The following DCDC1 variants were observed in gnomAD, a reference collection of about 807,000 sequenced individuals.
DCDC1 encodes the protein doublecortin domain containing 1.
In DCDC1, 200 loss-of-function variants were observed where a neutral mutation model predicts 178.3. That is an observed-to-expected ratio of 1.12 (90% CI 1.00 to 1.26). The LOEUF is 1.26. Among genes scored for constraint, DCDC1 ranks in the 50% most tolerant of loss-of-function variants. DCDC1 has a pLI of 0.00. For synonymous variants in DCDC1, 690 were observed against 604.8 expected (o/e 1.14, Z -2.07); for missense variants, 1,983 against 1,749.2 (o/e 1.13, Z -2.38).
intron 6 of DCDC1, among the ~76,000 whole-genome samples, chr11:31,304,798 G>T (rs1233934990): frequency 1.3e-5 from 2 of 152,074 alleles, no homozygotes; most frequent in African/African-American, 4.8e-5. Flanking sequence ...AAGTACAGCA[G>T]TTAGACACAC....
At chr11:30,874,277 A>G in intron 38 of DCDC1, among the ~76,000 whole-genome samples, 1 of 152,158 alleles carries the variant, frequency 6.6e-6, no homozygotes, top group Non-Finnish European at 1.5e-5. Flanking sequence ...CTTATACCTT[A>G]GGCATAGAGA....
intron 20 of DCDC1, among the ~76,000 whole-genome samples, chr11:31,047,575 A>C (rs1030547436): frequency 5.9e-5 from 9 of 152,210 alleles, no homozygotes; most frequent in Admixed American, 4.6e-4. Flanking sequence ...TTTTATTTAT[A>C]TCCTCCAACT....
At chr11:30,945,957 C>G (rs891168134) in intron 21 of DCDC1, among the ~76,000 whole-genome samples, 1 of 151,776 alleles carries the variant, frequency 6.6e-6, no homozygotes, top group African/African-American at 2.4e-5. Context: ...TTTTTTTGTT[C>G]GTTTTTTAGC....
chr11:30,998,138 T>TA (rs1027799960), intron 20 of DCDC1, among the ~76,000 whole-genome samples: 1 of 151,442 alleles, frequency 6.6e-6, no homozygotes, highest in Non-Finnish European at 1.5e-5. Flanking sequence ...CTACAAAAAA[T>TA]AAAAAAATTA....
intron 17 of DCDC1, among the ~76,000 whole-genome samples, chr11:31,082,102 C>CA (rs1015799552): frequency 6.6e-6 from 1 of 151,682 alleles, no homozygotes; most frequent in Admixed American, 6.6e-5. Context: ...TTTTTAAAAA[C>CA]AAAAAATAAC....
intron 27 of DCDC1, among the ~76,000 whole-genome samples, chr11:30,914,685 C>A (rs1185410835): frequency 2.7e-5 from 4 of 148,110 alleles, no homozygotes; most frequent in African/African-American, 1.0e-4. Context: ...AATCAACCAG[C>A]ATGGACCTAA....
At chr11:30,975,609 A>G (rs1371267951) in intron 20 of DCDC1, among the ~76,000 whole-genome samples, 4 of 152,050 alleles carry the variant, frequency 2.6e-5, no homozygotes, top group African/African-American at 9.7e-5. Flanking sequence ...GCTCATTTAT[A>G]ATAGCTACAA....
At chr11:31,079,651 G>A (rs1004539273) in intron 17 of DCDC1, among the ~76,000 whole-genome samples, 1 of 152,034 alleles carries the variant, frequency 6.6e-6, no homozygotes, top group South Asian at 2.1e-4. Flanking sequence ...TGAATTGTAG[G>A]ACACACAGCA....
At chr11:31,280,245 G>T (rs1407084783) in intron 7 of DCDC1, among the ~76,000 whole-genome samples, 41 of 152,106 alleles carry the variant, frequency 2.7e-4, no homozygotes, top group Admixed American at 2.7e-3. Flanking sequence ...AGAGGCAAAT[G>T]AACACAAAAC....
At chr11:30,900,231 G>T in intron 33 of DCDC1, 115 bp downstream of exon 33, 1 of 940,694 alleles carries the variant, frequency 1.1e-6, no homozygotes, top group Non-Finnish European at 1.4e-6. Flanking sequence ...GTATAAATGT[G>T]ATGTTATTAT....
intron 9 of DCDC1, among the ~76,000 whole-genome samples, chr11:31,146,812 T>A (rs1304472446): frequency 6.6e-6 from 1 of 152,216 alleles, no homozygotes; most frequent in East Asian, 1.9e-4. Flanking sequence ...GAGCCATCTT[T>A]CCTTGAGTAT....
chr11:31,243,767 T>C (rs1172625955), intron 8 of DCDC1, among the ~76,000 whole-genome samples: 3 of 151,928 alleles, frequency 2.0e-5, no homozygotes, highest in African/African-American at 4.8e-5. Flanking sequence ...AGGAATACTA[T>C]GGAAACCAGA....
chr11:31,005,374 C>G (rs985717925), intron 20 of DCDC1, among the ~76,000 whole-genome samples: 3 of 152,134 alleles, frequency 2.0e-5, no homozygotes, highest in Admixed American at 6.5e-5. Flanking sequence ...TCTGCTTTCT[C>G]TATTCCTTTG....
intron 20 of DCDC1, among the ~76,000 whole-genome samples, chr11:31,041,030 C>T (rs1037888297): frequency 6.6e-6 from 1 of 152,176 alleles, no homozygotes; most frequent in African/African-American, 2.4e-5. Flanking sequence ...ATTTAAAGTA[C>T]AGCAATTATA....
intron 8 of DCDC1, among the ~76,000 whole-genome samples, chr11:31,242,943 G>A (rs1474399373): frequency 6.6e-6 from 1 of 151,818 alleles, no homozygotes; most frequent in Non-Finnish European, 1.5e-5. Context: ...TACTAATATA[G>A]TATAAAGTTA....
intron 5 of DCDC1, 95 bp from the exon 6 acceptor site, chr11:31,305,872 C>A (rs967976647): frequency 2.2e-5 from 31 of 1,395,660 alleles, no homozygotes; most frequent in Non-Finnish European, 2.8e-5. Flanking sequence ...AAAATAGAAA[C>A]CCAATTGAGT....
intron 9 of DCDC1, among the ~76,000 whole-genome samples, chr11:31,158,371 C>A (rs892385274): frequency 5.3e-4 from 80 of 152,210 alleles, no homozygotes; most frequent in African/African-American, 1.8e-3. Context: ...CCCGCCTCGG[C>A]CTCCCAAAGT....
intron 20 of DCDC1, among the ~76,000 whole-genome samples, chr11:31,034,548 G>A (rs759716438): frequency 6.6e-6 from 1 of 152,062 alleles, no homozygotes; most frequent in Non-Finnish European, 1.5e-5. Context: ...TTCTATGTTT[G>A]AGCATGTGTA....
At chr11:30,926,562 G>A (rs143191801) in intron 22 of DCDC1, among the ~76,000 whole-genome samples, 223 of 152,234 alleles carry the variant, frequency 1.5e-3, no homozygotes, top group African/African-American at 5.0e-3. Context: ...GACTGATGGA[G>A]CATTTTCTAA....
Sources: allele counts gnomAD v4.1 joint callset (sites outside exome capture counted in the v4.1 genomes callset), GRCh38; gene constraint gnomAD v4.1.1; transcripts MANE v1.5; gene names NCBI Gene and HGNC (gene_info 2026-07-23, HGNC 2026-07-21).